PPARGC1A: variants seen among roughly 807,000 people sequenced by gnomAD.
PPARGC1A encodes PPARG coactivator 1 alpha.
A neutral mutation model predicts 88.7 loss-of-function variants in PPARGC1A; 25 were observed. That is an observed-to-expected ratio of 0.28 (90% CI 0.21 to 0.39). PPARGC1A has a LOEUF of 0.39. Ranked by LOEUF, PPARGC1A falls within the 10% of genes least tolerant of loss-of-function variation. PPARGC1A has a pLI of 1.00. For missense variants in PPARGC1A, 880 were observed against 968.7 expected (o/e 0.91, Z 1.22); for synonymous variants, 363 against 355.6 (o/e 1.02, Z -0.24).
rs1035546886 is a variant in PPARGC1A at position 23,838,251 on chromosome 4, G to T, written c.235-6500C>A. ...CTAAAATCTCTGCAATCCACTGTGG[G>T]TTTTGTTTTTGCTTCTTTTATACCC... On this transcript the variant is annotated intron_variant, in intron 2 of 12. Transcript: ENST00000264867. Among the ~76,000 whole-genome samples, 42 of 152,108 alleles carry T rather than the reference G, an allele frequency of 2.8e-4. 1 individual carries two copies. The highest frequency in any genetic ancestry group is 8.9e-4 in the African/African-American group (37 of 41,500).
chr4:23,817,809 C>A (rs1028570210), intron 7 of PPARGC1A, among the ~76,000 whole-genome samples: 1 of 152,158 alleles, frequency 6.6e-6, no homozygotes, highest in African/African-American at 2.4e-5. Flanking sequence ...TTCCTATCAC[C>A]AAGTGCCTCC....
At chr4:23,820,454 T>C (rs1313316804) in intron 7 of PPARGC1A, 1 of 227,258 alleles carries the variant, frequency 4.4e-6, no homozygotes, top group East Asian at 1.2e-4. Context: ...TTCGTGTCTG[T>C]GGTTTAAACC....
intron 2 of PPARGC1A, among the ~76,000 whole-genome samples, chr4:23,876,647 T>C (rs1256394468): frequency 6.6e-6 from 1 of 152,016 alleles, no homozygotes; most frequent in East Asian, 1.9e-4. Context: ...CCAGCCTGAT[T>C]GCTCCTCCTT....
chr4:24,060,733 G>T, the PPARGC1A span, among the ~76,000 whole-genome samples: 1 of 152,178 alleles, frequency 6.6e-6, no homozygotes, highest in Non-Finnish European at 1.5e-5. Context: ...TTTGTGCTAG[G>T]TGAAAGGGAA....
At chr4:24,465,564 A>C in the PPARGC1A span, among the ~76,000 whole-genome samples, 44 of 152,184 alleles carry the variant, frequency 2.9e-4, no homozygotes, top group Non-Finnish European at 5.4e-4. Context: ...GATGAATACA[A>C]GGGGTAGGTG....
chr4:24,375,392 C>T, the PPARGC1A span, among the ~76,000 whole-genome samples: 79 of 152,286 alleles, frequency 5.2e-4, no homozygotes, highest in African/African-American at 1.8e-3. Context: ...CAAGGTGGGA[C>T]TTACACGGTG....
chr4:24,456,989 G>A, the PPARGC1A span, among the ~76,000 whole-genome samples: 7 of 152,170 alleles, frequency 4.6e-5, no homozygotes, highest in African/African-American at 1.7e-4. Flanking sequence ...TAGCAAAGAG[G>A]ACATGAGCCA....
intron 1 of PPARGC1A, among the ~76,000 whole-genome samples, chr4:23,897,423 G>A (rs972679273): frequency 6.6e-6 from 1 of 152,158 alleles, no homozygotes; most frequent in African/African-American, 2.4e-5. Flanking sequence ...ATTTGACTTT[G>A]GGTGATTCAT....
the PPARGC1A span, among the ~76,000 whole-genome samples, chr4:23,930,786 T>C: frequency 2.6e-5 from 4 of 152,206 alleles, no homozygotes; most frequent in African/African-American, 9.6e-5. Context: ...CACAGTGCAC[T>C]CAGTGATGCC....
the PPARGC1A span, among the ~76,000 whole-genome samples, chr4:23,936,907 ATAAAC>A: frequency 1.3e-5 from 2 of 152,120 alleles, no homozygotes; most frequent in Admixed American, 6.5e-5. Flanking sequence ...AAACAAGTAA[ATAAAC>A]TAAACACAGA....
the PPARGC1A span, among the ~76,000 whole-genome samples, chr4:24,253,764 C>T: frequency 6.6e-6 from 1 of 152,216 alleles, no homozygotes; most frequent in Non-Finnish European, 1.5e-5. Flanking sequence ...TCAACAAAAG[C>T]AAATTGCATC....
At chr4:24,470,144 T>A in the PPARGC1A span, among the ~76,000 whole-genome samples, 1 of 152,074 alleles carries the variant, frequency 6.6e-6, no homozygotes, top group South Asian at 2.1e-4. The surrounding 1 kb of genome is among the most constrained non-coding windows in gnomAD (Gnocchi z 5.8). Flanking sequence ...ACTCCAGGAC[T>A]GGGGGGCGCG....
At chr4:24,110,484 T>C in the PPARGC1A span, among the ~76,000 whole-genome samples, 1 of 152,136 alleles carries the variant, frequency 6.6e-6, no homozygotes, top group East Asian at 1.9e-4. Context: ...CTGTCCCAGC[T>C]CTGCAAGAAA....
chr4:23,910,343 A>ATATATATTATATATATTATAT, the PPARGC1A span, among the ~76,000 whole-genome samples: 1,136 of 58,684 alleles, frequency 0.019, 33 homozygotes, highest in African/African-American at 0.11. Flanking sequence ...TATATATATT[A>ATATATATTATATATATTATAT]TATATTATAT....
the PPARGC1A span, among the ~76,000 whole-genome samples, chr4:24,063,016 C>T: frequency 1.3e-5 from 2 of 152,284 alleles, no homozygotes; most frequent in East Asian, 3.9e-4. Context: ...CTAAAATCCT[C>T]AAGACACCTT....
the PPARGC1A span, among the ~76,000 whole-genome samples, chr4:23,991,893 T>C: frequency 0.026 from 3,994 of 152,026 alleles, 91 homozygotes; most frequent in South Asian, 0.11. Flanking sequence ...TAGCAAGAAA[T>C]CTTAGCTGAG....
the PPARGC1A span, among the ~76,000 whole-genome samples, chr4:24,135,630 T>C: frequency 8.5e-5 from 13 of 152,304 alleles, no homozygotes; most frequent in Admixed American, 7.8e-4. Context: ...TGTTTGCAGA[T>C]GCCTCCTTCT....
At chr4:24,122,434 T>TAG in the PPARGC1A span, among the ~76,000 whole-genome samples, 2,814 of 130,012 alleles carry the variant, frequency 0.022, 51 homozygotes, top group African/African-American at 0.06. Context: ...TATATATATA[T>TAG]ATAGAGAGAG....
chr4:24,438,691 C>T, the PPARGC1A span, among the ~76,000 whole-genome samples: 1 of 152,108 alleles, frequency 6.6e-6, no homozygotes, highest in Non-Finnish European at 1.5e-5. Flanking sequence ...TCAAAACCTG[C>T]CATAAATGAC....
Sources: gnomAD v4.1 joint callset for allele counts (sites outside exome capture counted in the v4.1 genomes callset) on GRCh38, gnomAD v4.1.1 for gene constraint, Gnocchi (gnomAD v3.1) non-coding constraint, MANE v1.5 for transcripts, NCBI Gene and HGNC (gene_info 2026-07-23, HGNC 2026-07-21) for gene names.